CCSER1: variants seen among roughly 807,000 people sequenced by gnomAD.
The protein encoded by CCSER1 is coiled-coil serine rich protein 1.
Under a neutral mutation model 82.0 loss-of-function variants are expected in CCSER1, and 41 were observed. The observed-to-expected ratio is 0.50, with a 90% CI of 0.39 to 0.65. The LOEUF (loss-of-function observed/expected upper bound fraction) is 0.65. Ranked by LOEUF, CCSER1 falls within the 30% of genes least tolerant of loss-of-function variation. The probability of loss-of-function intolerance (pLI) is 0.00; values close to 1 mark genes in which losing one functional copy is unlikely to be tolerated. For synonymous variants in CCSER1, 414 were observed against 383.9 expected, an observed-to-expected ratio of 1.08 and a Z score of -0.92; for missense variants, 1,119 against 1,064.2, an observed-to-expected ratio of 1.05 and a Z score of -0.72.
intron 8 of CCSER1, among the ~76,000 whole-genome samples, chr4:90,908,817 A>G (rs1397047308): frequency 6.6e-6 from 1 of 152,158 alleles, no homozygotes; most frequent in East Asian, 1.9e-4. Flanking sequence ...TTACATTTTC[A>G]TGTTACTCTG....
chr4:91,098,821 G>A (rs774423754), intron 10 of CCSER1, among the ~76,000 whole-genome samples: 9 of 152,022 alleles, frequency 5.9e-5, no homozygotes, highest in African/African-American at 1.7e-4. Flanking sequence ...GATTACAGGC[G>A]TGAGCCACCG....
At chr4:90,365,141 T>A (rs1203605852) in intron 3 of CCSER1, among the ~76,000 whole-genome samples, 2 of 151,900 alleles carry the variant, frequency 1.3e-5, no homozygotes, top group Non-Finnish European at 2.9e-5. Context: ...ATTTTTGAGT[T>A]TGAAGTTTAG....
At chr4:90,893,022 C>T (rs1204182601) in intron 8 of CCSER1, among the ~76,000 whole-genome samples, 1 of 152,134 alleles carries the variant, frequency 6.6e-6, no homozygotes, top group East Asian at 1.9e-4. Context: ...CTTCTGAGTA[C>T]TACTATTCTC....
chr4:91,181,722 G>T (rs554638497), intron 10 of CCSER1, among the ~76,000 whole-genome samples: 1 of 152,194 alleles, frequency 6.6e-6, no homozygotes, highest in Non-Finnish European at 1.5e-5. Flanking sequence ...CAGCACCTCT[G>T]TCTGTTCTGC....
chr4:91,230,666 C>T (rs982993143), intron 10 of CCSER1, among the ~76,000 whole-genome samples: 1 of 151,520 alleles, frequency 6.6e-6, no homozygotes, highest in Non-Finnish European at 1.5e-5. Context: ...GCAAGCACAG[C>T]CCATTAGGTA....
At chr4:90,339,443 C>A (rs1740989024) in intron 3 of CCSER1, among the ~76,000 whole-genome samples, 1 of 152,158 alleles carries the variant, frequency 6.6e-6, no homozygotes. Context: ...GTTCTCAACA[C>A]TTCCCAATGG....
intron 9 of CCSER1, among the ~76,000 whole-genome samples, chr4:90,995,688 C>T (rs1737431529): frequency 6.6e-6 from 1 of 151,936 alleles, no homozygotes; most frequent in African/African-American, 2.4e-5. Context: ...AAATGCATAG[C>T]ACAATAACAT....
At chr4:91,522,225 T>TC (rs1760514366) in intron 10 of CCSER1, among the ~76,000 whole-genome samples, 1 of 152,214 alleles carries the variant, frequency 6.6e-6, no homozygotes, top group Non-Finnish European at 1.5e-5. Context: ...TCTGTTCTGT[T>TC]CCATTGGTCT....
At chr4:90,885,520 T>C (rs1194314249) in intron 8 of CCSER1, among the ~76,000 whole-genome samples, 1 of 152,184 alleles carries the variant, frequency 6.6e-6, no homozygotes, top group South Asian at 2.1e-4. Flanking sequence ...AGTACCTTTT[T>C]AATTTTGTGA....
chr4:90,909,984 A>G (rs900075473), intron 8 of CCSER1, among the ~76,000 whole-genome samples: 1 of 152,180 alleles, frequency 6.6e-6, no homozygotes, highest in Non-Finnish European at 1.5e-5. Flanking sequence ...TAGAGGTTTA[A>G]TTGACTCACA....
At chr4:90,628,339 A>AG in intron 6 of CCSER1, 107 bp downstream of exon 6, 1 of 816,314 alleles carries the variant, frequency 1.2e-6, no homozygotes, top group Non-Finnish European at 2.0e-6. Context: ...GACATTGGGC[A>AG]GGGGTCAGGT....
chr4:90,511,049 CTG>C (rs549658608), intron 5 of CCSER1, among the ~76,000 whole-genome samples: 111 of 152,284 alleles, frequency 7.3e-4, no homozygotes, highest in Non-Finnish European at 1.4e-3. Context: ...GAATTGGAAA[CTG>C]TTAGCAGGAA....
At chr4:90,331,443 T>C (rs1739266272) in intron 3 of CCSER1, among the ~76,000 whole-genome samples, 1 of 152,194 alleles carries the variant, frequency 6.6e-6, no homozygotes, top group Non-Finnish European at 1.5e-5. Context: ...ATTTCTTTAC[T>C]TGTGGCAGCT....
chr4:90,445,051 T>C (rs2153575009), intron 4 of CCSER1, among the ~76,000 whole-genome samples: 2 of 152,066 alleles, frequency 1.3e-5, no homozygotes, highest in East Asian at 3.9e-4. Context: ...AAAAAACAGT[T>C]ACAGATTAGT....
At chr4:91,092,527 G>A (rs886924080) in intron 10 of CCSER1, among the ~76,000 whole-genome samples, 1 of 152,176 alleles carries the variant, frequency 6.6e-6, no homozygotes, top group African/African-American at 2.4e-5. Context: ...TTGTGCTGTC[G>A]ACAGGTAACA....
At chr4:90,902,177 T>A (rs1724756741) in intron 8 of CCSER1, among the ~76,000 whole-genome samples, 1 of 151,978 alleles carries the variant, frequency 6.6e-6, no homozygotes, top group South Asian at 2.1e-4. Flanking sequence ...TATAGTTATG[T>A]CATGTTTTAT....
intron 10 of CCSER1, among the ~76,000 whole-genome samples, chr4:91,143,540 C>T (rs1208831057): frequency 6.6e-6 from 1 of 152,052 alleles, no homozygotes; most frequent in Non-Finnish European, 1.5e-5. Flanking sequence ...TGTGAGTGGG[C>T]ATCTTTGTCT....
At chr4:90,409,270 A>G (rs1754280931) in intron 4 of CCSER1, among the ~76,000 whole-genome samples, 1 of 152,224 alleles carries the variant, frequency 6.6e-6, no homozygotes, top group Non-Finnish European at 1.5e-5. Context: ...AATTCAGGAA[A>G]TACAGAGAAC....
At chr4:90,669,939 T>C (rs1419680266) in intron 6 of CCSER1, among the ~76,000 whole-genome samples, 1 of 152,134 alleles carries the variant, frequency 6.6e-6, no homozygotes, top group East Asian at 1.9e-4. Context: ...CCAAAATGTC[T>C]AAAATGCTTT....
Sources: allele counts gnomAD v4.1 joint callset (sites outside exome capture counted in the v4.1 genomes callset), GRCh38; gene constraint gnomAD v4.1.1; transcripts MANE v1.5; gene names NCBI Gene and HGNC (gene_info 2026-07-23, HGNC 2026-07-21).